ERI3: variants seen among roughly 807,000 people sequenced by gnomAD.
ERI3 encodes ERI1 exoribonuclease 3.
ERI3 carries 18 observed loss-of-function variants against 44.4 expected under a neutral mutation model. That is an observed-to-expected ratio of 0.41 (90% CI 0.28 to 0.60). The LOEUF (loss-of-function observed/expected upper bound fraction) is 0.60. ERI3 is among the 20% of genes least tolerant of loss of function. The probability of loss-of-function intolerance (pLI) is 0.36; values close to 1 mark genes in which losing one functional copy is unlikely to be tolerated. For synonymous variants in ERI3, 183 were observed against 164.8 expected, an observed-to-expected ratio of 1.11 and a Z score of -0.84; for missense variants, 294 against 435.5, an observed-to-expected ratio of 0.68 and a Z score of 2.89.
intron 3 of ERI3, among the ~76,000 whole-genome samples, chr1:44,335,752 G>A (rs544893825): frequency 6.6e-6 from 1 of 150,472 alleles, no homozygotes; most frequent in African/African-American, 2.4e-5. Flanking sequence ...TTGTAGCCTG[G>A]GCAACAAGAG....
At chr1:44,293,111 G>C (rs1404348661) in intron 6 of ERI3, among the ~76,000 whole-genome samples, 5 of 152,258 alleles carry the variant, frequency 3.3e-5, no homozygotes, top group Non-Finnish European at 7.3e-5. Context: ...TTTCTAGGGA[G>C]AACTCTGGCA....
At chr1:44,310,970 CACA>C (rs1645957363) in intron 5 of ERI3, among the ~76,000 whole-genome samples, 19 of 50,256 alleles carry the variant, frequency 3.8e-4, no homozygotes, top group Admixed American at 3.6e-3. Context: ...CGCGCACACA[CACA>C]CACACACACA....
chr1:44,340,907 A>G (rs2154331429), intron 2 of ERI3, among the ~76,000 whole-genome samples: 1 of 152,320 alleles, frequency 6.6e-6, no homozygotes, highest in East Asian at 1.9e-4. Flanking sequence ...TGAAAGCCAG[A>G]ATCTTCTCAT....
In ERI3 at chr1:44,355,017, C is replaced by T; in HGVS notation, c.10G>A (p.Ala4Thr). ...CGCCCCCCGTCAGCAGCGGGAGAGG[C>T]TGTCGCCATGGCAACGCCCCCTCCT... The part of the protein sequence containing the change: MAT[A>T]SPAADGGRGR... Residue 4 changes from alanine to threonine, a missense_variant, in exon 1 of 9, where the codon GCC becomes ACC. By Grantham distance (58) the Ala-to-Thr change is moderately conservative. This residue lies in a region of ERI3 where 107 missense variants were observed against 96.9 expected (regional missense o/e 1.10). Transcript: ENST00000372257. 7.2e-7 allele frequency: 1 copy of T among 1,390,456 alleles called. No individual in the cohort carries two copies. The highest frequency in any genetic ancestry group is 9.4e-7 in the Non-Finnish European group (1 of 1,067,928). The allele number at this position is 1,390,456 out of a possible 1,614,324, so 86.1% of individuals were successfully genotyped here.
chr1:44,225,409 T>A (rs1433478662), intron 8 of ERI3, among the ~76,000 whole-genome samples: 1 of 152,234 alleles, frequency 6.6e-6, no homozygotes, highest in South Asian at 2.1e-4. Context: ...ATTACAGGCA[T>A]GAGCCACCAT....
intron 5 of ERI3, 144 bp from the exon 6 acceptor site, chr1:44,308,545 C>G: frequency 1.4e-6 from 1 of 726,864 alleles, no homozygotes; most frequent in Non-Finnish European, 2.4e-6. Flanking sequence ...CCACTGTGGG[C>G]TCTCAGGCTT....
intron 3 of ERI3, among the ~76,000 whole-genome samples, chr1:44,337,424 C>T (rs984832482): frequency 1.3e-5 from 2 of 152,230 alleles, no homozygotes; most frequent in Non-Finnish European, 2.9e-5. Flanking sequence ...AAATTCCCAG[C>T]ATAAGCACCA....
intron 6 of ERI3, among the ~76,000 whole-genome samples, chr1:44,307,406 AACAC>A (rs1408012084): frequency 6.6e-6 from 1 of 151,904 alleles, no homozygotes; most frequent in Non-Finnish European, 1.5e-5. Flanking sequence ...CAAAAGTTCA[AACAC>A]ACACACACAA....
At chr1:44,340,992 T>C (rs1646641300) in intron 2 of ERI3, among the ~76,000 whole-genome samples, 1 of 152,204 alleles carries the variant, frequency 6.6e-6, no homozygotes, top group African/African-American at 2.4e-5. Context: ...CCATTCTAGT[T>C]TGGATCCAAA....
chr1:44,264,308 A>T (rs1386621550), intron 7 of ERI3, among the ~76,000 whole-genome samples: 1 of 152,144 alleles, frequency 6.6e-6, no homozygotes, highest in Non-Finnish European at 1.5e-5. Context: ...GCCCTGAGAG[A>T]AGGATGGCAG....
intron 7 of ERI3, among the ~76,000 whole-genome samples, chr1:44,274,853 T>C (rs1056485957): frequency 1.3e-5 from 2 of 152,198 alleles, no homozygotes; most frequent in African/African-American, 2.4e-5. Flanking sequence ...CTCACACCTC[T>C]GCCTCATCTA....
rs927159351 is a variant in ERI3, at chr1:44,322,953, G to A, written c.490-3209C>T. 10 of 1,418,794 alleles carry A rather than the reference G, an allele frequency of 7.0e-6. No individual in the cohort carries two copies. In the African/African-American group the frequency reaches 7.2e-5, roughly 10 times the overall value. 87.9% of individuals were successfully genotyped at this position (1,418,794 alleles called of 1,614,324 possible). On this transcript the variant is annotated intron_variant, in intron 3 of 8. Coordinates refer to ENST00000372257, the MANE Select transcript of ERI3 (RefSeq NM_024066.3). ...CATTAATCCCAACACAAAGATTTGT[G>A]ACAATGTGCCCAAGTGCCAGCCTCT...
chr1:44,264,127 C>A (rs908568437), intron 7 of ERI3, among the ~76,000 whole-genome samples: 43 of 152,158 alleles, frequency 2.8e-4, no homozygotes, highest in African/African-American at 9.9e-4. Context: ...TCCAGCAAAG[C>A]GAAATCATTT....
chr1:44,319,796 T>C, intron 3 of ERI3, 52 bp from the exon 4 acceptor site: 4 of 1,288,526 alleles, frequency 3.1e-6, no homozygotes, highest in Non-Finnish European at 4.5e-6. Context: ...TAATCAACCA[T>C]TTCCAACAGT....
At chr1:44,284,169 A>G in intron 7 of ERI3, 2 of 422,406 alleles carry the variant, frequency 4.7e-6, no homozygotes, top group Non-Finnish European at 9.7e-6. Context: ...AGGAAAGTAC[A>G]GTTTTCTAAG....
intron 7 of ERI3, among the ~76,000 whole-genome samples, chr1:44,272,837 C>T (rs1228924114): frequency 1.7e-5 from 2 of 116,286 alleles, no homozygotes; most frequent in African/African-American, 6.8e-5. Context: ...AAGAGACTGT[C>T]TCAAAAAATA....
At chr1:44,257,697 C>T (rs990643328) in intron 7 of ERI3, among the ~76,000 whole-genome samples, 1 of 152,162 alleles carries the variant, frequency 6.6e-6, no homozygotes, top group African/African-American at 2.4e-5. Context: ...ATTCCCTCTG[C>T]TACTGCTACA....
intron 7 of ERI3, among the ~76,000 whole-genome samples, chr1:44,254,493 A>C (rs919485676): frequency 6.6e-6 from 1 of 151,916 alleles, no homozygotes; most frequent in Non-Finnish European, 1.5e-5. Context: ...CCCATCCCCC[A>C]ATTTTTAACA....
chr1:44,326,093 A>T (rs1435843098), intron 3 of ERI3, among the ~76,000 whole-genome samples: 2 of 152,242 alleles, frequency 1.3e-5, no homozygotes, highest in East Asian at 1.9e-4. Context: ...CCTAGGAAGA[A>T]GGAACTGGCT....
Sources: allele counts gnomAD v4.1 joint callset (sites outside exome capture counted in the v4.1 genomes callset), GRCh38; gene constraint gnomAD v4.1.1; regional missense constraint gnomAD v4.1.1; transcripts MANE v1.5; gene names NCBI Gene and HGNC (gene_info 2026-07-23, HGNC 2026-07-21).